The following RABGEF1 variants were observed in gnomAD, a reference collection of about 807,000 sequenced individuals.
RABGEF1 encodes the protein RAB guanine nucleotide exchange factor 1, also known as rab5 GDP/GTP exchange factor.
Under a neutral mutation model 57.3 loss-of-function variants are expected in RABGEF1, and 26 were observed. The ratio of observed to expected loss-of-function variants is 0.45; its 90% confidence interval spans 0.33 to 0.63. The LOEUF (loss-of-function observed/expected upper bound fraction) is 0.63, where lower values mean the gene tolerates loss of function less well. RABGEF1 is among the 20% of genes least tolerant of loss of function. RABGEF1 has a pLI of 0.02. For synonymous variants in RABGEF1, 185 were observed against 210.7 expected (o/e 0.88, Z 1.06); for missense variants, 464 against 607.6 (o/e 0.76, Z 2.48).
chr7:66,761,541 G>C (rs763829170), intron 1 of RABGEF1, among the ~76,000 whole-genome samples: 16 of 152,326 alleles, frequency 1.1e-4, no homozygotes, highest in African/African-American at 3.6e-4. Flanking sequence ...CCAGGAACCT[G>C]CACTGTGTTC....
intron 1 of RABGEF1, among the ~76,000 whole-genome samples, chr7:66,695,496 C>T (rs1422857509): frequency 6.6e-6 from 1 of 152,124 alleles, no homozygotes; most frequent in African/African-American, 2.4e-5. Context: ...GGAGGAGGAG[C>T]GACCATTCAG....
At chr7:66,717,825 G>T (rs1258036354) in intron 2 of RABGEF1, among the ~76,000 whole-genome samples, 1 of 152,138 alleles carries the variant, frequency 6.6e-6, no homozygotes, top group Non-Finnish European at 1.5e-5. Flanking sequence ...CTCCCAAAGT[G>T]CTGGGATTAC....
chr7:66,667,061 C>G, the RABGEF1 span, among the ~76,000 whole-genome samples: 8 of 152,186 alleles, frequency 5.3e-5, no homozygotes, highest in South Asian at 1.7e-3. Context: ...TGGGAGCATG[C>G]AATTGTCTCC....
rs117637847 is a variant in RABGEF1 at position 66,761,778 on chromosome 7, G to A, written c.-17-10105G>A. On this transcript the variant is annotated intron_variant, in intron 1 of 8. Coordinates refer to ENST00000284957, the MANE Select transcript of RABGEF1 (RefSeq NM_014504.3). ...TTTTAACAAAAGCCTGGGGGTGGGC[G>A]TGGTGTCTCATGCCTGTAATCCCGC... 1.1e-4 allele frequency among the ~76,000 whole-genome samples: 17 copies of A among 152,288 alleles called. 1 individual carries two copies. In the East Asian group the frequency reaches 2.5e-3, roughly 22 times the overall value.
intron 3 of RABGEF1, among the ~76,000 whole-genome samples, chr7:66,776,390 C>G (rs529606479): frequency 6.6e-6 from 1 of 152,326 alleles, no homozygotes; most frequent in Non-Finnish European, 1.5e-5. Flanking sequence ...AAACACACCT[C>G]TCTTTAAGAC....
chr7:66,795,529 C>A lies in RABGEF1; in HGVS notation c.532C>A (p.Gln178Lys). 6.2e-7 allele frequency: 1 copy of A among 1,611,378 alleles called. No homozygotes were observed. Residue 178 changes from glutamine (Q) to lysine (K), a missense_variant, in exon 5 of 9, where the codon CAG (glutamine) becomes AAG (lysine). Physicochemically the swap from Gln to Lys is moderately conservative, Grantham distance 53. Transcript: ENST00000284957. ...GTTTCAGGATCTAAGCATTGAAGAACAGTCAGAGTGTGCTCAGGATTTCTA... is the reference window on the plus strand; with the variant it reads ...GTTTCAGGATCTAAGCATTGAAGAAAAGTCAGAGTGTGCTCAGGATTTCTA... Reference protein sequence around the residue: ...HYKRDLSIEEQSECAQDFYHN... With the variant: ...HYKRDLSIEEKSECAQDFYHN...
rs1052048220 is a variant in RABGEF1, at chr7:66,809,214, C to A, written c.1406C>A (p.Ala469Asp). Reference protein sequence around the residue: ...EIKPPNQPLAAIDSENVENDK... With the variant: ...EIKPPNQPLADIDSENVENDK... Reference sequence around the variant, plus strand: ...AAGCCTCCGAATCAACCGTTAGCAGCTATTGACTCTGAAAACGTTGAAAAT... The same window carrying A: ...AAGCCTCCGAATCAACCGTTAGCAGATATTGACTCTGAAAACGTTGAAAAT... Residue 469 changes from alanine (A) to aspartate (D), a missense_variant, in exon 9 of 9, where the codon GCT becomes GAT. Physicochemically the swap from Ala to Asp is moderately radical, Grantham distance 126. This residue lies in a region of RABGEF1 where 151 missense variants were observed against 152.2 expected (regional missense o/e 0.99). Coordinates refer to ENST00000284957, the MANE Select transcript of RABGEF1 (RefSeq NM_014504.3). The A allele has an allele frequency of 6.2e-7, 1 of 1,613,792 alleles. No homozygotes were observed. Among genetic ancestry groups the A allele is most frequent in the Non-Finnish European group, 8.5e-7 (1 of 1,179,878 alleles).
intron 4 of RABGEF1, among the ~76,000 whole-genome samples, chr7:66,793,516 A>G (rs1422588445): frequency 6.6e-6 from 1 of 152,236 alleles, no homozygotes; most frequent in African/African-American, 2.4e-5. Context: ...TCAAATCTGT[A>G]GTAATAATCA....
chr7:66,741,447 C>T (rs1380593009), intron 1 of RABGEF1, among the ~76,000 whole-genome samples: 6 of 152,128 alleles, frequency 3.9e-5, no homozygotes, highest in African/African-American at 2.4e-5. Context: ...GGATGCCCAT[C>T]ACGGCAGTTT....
At chr7:66,744,070 A>C (rs7783924) in intron 1 of RABGEF1, among the ~76,000 whole-genome samples, 74,116 of 144,740 alleles carry the variant, frequency 0.51, 19,516 homozygotes, top group East Asian at 0.74. Context: ...CGGAGTCTTG[A>C]TCTGTGACTG....
At chr7:66,718,178 CTACAAAAAA>C (rs1386458062) in intron 2 of RABGEF1, among the ~76,000 whole-genome samples, 1 of 152,036 alleles carries the variant, frequency 6.6e-6, no homozygotes, top group Non-Finnish European at 1.5e-5. Flanking sequence ...CCCTGTCTCT[CTACAAAAAA>C]TACAAAAAAA....
chr7:66,794,517 A>G (rs900848897), intron 4 of RABGEF1, among the ~76,000 whole-genome samples: 2 of 152,164 alleles, frequency 1.3e-5, no homozygotes, highest in Admixed American at 1.3e-4. Context: ...TCTTTGGCAG[A>G]AAGTGAGAAA....
chr7:66,798,853 T>C (rs1786643153), intron 6 of RABGEF1, among the ~76,000 whole-genome samples: 2 of 152,124 alleles, frequency 1.3e-5, no homozygotes, highest in Admixed American at 1.3e-4. Flanking sequence ...TCCCGGCTGC[T>C]TGGGAGCCTG....
chr7:66,775,879 A>T (rs1349459168), intron 3 of RABGEF1, among the ~76,000 whole-genome samples: 1 of 152,186 alleles, frequency 6.6e-6, no homozygotes, highest in Non-Finnish European at 1.5e-5. Context: ...AAAAGGCCCA[A>T]GTTGGGCTCT....
At chr7:66,742,284 C>G (rs1223385643) in intron 1 of RABGEF1, among the ~76,000 whole-genome samples, 3 of 152,134 alleles carry the variant, frequency 2.0e-5, no homozygotes, top group African/African-American at 4.8e-5. Context: ...TGATTCATAT[C>G]CGCAGGATTA....
At chr7:66,666,367 G>A in the RABGEF1 span, 1 of 152,216 alleles carries the variant, frequency 6.6e-6, no homozygotes, top group East Asian at 1.9e-4. Flanking sequence ...AGCTCTGTTG[G>A]TTGCAAAAAA....
chr7:66,782,879 G>A (rs1810297565), intron 3 of RABGEF1, among the ~76,000 whole-genome samples: 1 of 152,184 alleles, frequency 6.6e-6, no homozygotes, highest in Non-Finnish European at 1.5e-5. Flanking sequence ...AAACATTAGA[G>A]AGCATAGTTC....
rs1241415323 is a variant in RABGEF1, at chr7:66,810,385, C to T, written c.*1101C>T. On this transcript the variant is annotated 3_prime_UTR_variant, in exon 9 of 9. Transcript: ENST00000284957. ...ATATCCATTAGGTGCCAGTAGCACC[C>T]CCGCTAGAGCTGTGAAAAATTCTCT... is the stretch of plus-strand genomic sequence containing the variant. 6.6e-6 allele frequency: 1 copy of T among 152,192 alleles called. No homozygotes were observed. Among genetic ancestry groups the T allele is most frequent in the Admixed American group, 6.5e-5 (1 of 15,272 alleles). The allele number at this position is 152,192 out of a possible 1,614,324, so 9.4% of individuals were successfully genotyped here. A position where few individuals can be genotyped will look rare whatever the true frequency, so the allele number is the denominator to read the frequency against.
intron 1 of RABGEF1, among the ~76,000 whole-genome samples, chr7:66,693,312 A>AT (rs1791820950): frequency 1.3e-5 from 2 of 151,948 alleles, no homozygotes; most frequent in Admixed American, 6.6e-5. Context: ...GTAAATTAAC[A>AT]TTTTTTCCAT....
Sources: gnomAD v4.1 joint callset for allele counts (sites outside exome capture counted in the v4.1 genomes callset) on GRCh38, gnomAD v4.1.1 for gene constraint, gnomAD v4.1.1 regional missense constraint, MANE v1.5 for transcripts, NCBI Gene and HGNC (gene_info 2026-07-23, HGNC 2026-07-21) for gene names.